DTHD1: variants seen among roughly 807,000 people sequenced by gnomAD.
The protein encoded by DTHD1 is death domain-containing protein 1.
Under a neutral mutation model 74.8 loss-of-function variants are expected in DTHD1, and 59 were observed. The observed-to-expected ratio is 0.79, with a 90% CI of 0.64 to 0.98. The LOEUF (loss-of-function observed/expected upper bound fraction) is 0.98, where lower values mean the gene tolerates loss of function less well. Among genes scored for constraint, DTHD1 ranks in the 50% least tolerant of loss-of-function variants. The pLI, the probability that DTHD1 is intolerant of heterozygous loss-of-function variation, is 0.00. For missense variants in DTHD1, 1,051 were observed against 1,065.4 expected, an observed-to-expected ratio of 0.99 and a Z score of 0.19; for synonymous variants, 365 against 371.1, an observed-to-expected ratio of 0.98 and a Z score of 0.19.
Position 36,290,501 on chromosome 4 carries a change from A to T in DTHD1, c.1016A>T (p.Asn339Ile), listed in dbSNP as rs1756008335. The T allele has an allele frequency of 1.9e-6, 3 of 1,551,738 alleles. No homozygotes were observed. In the East Asian group the frequency reaches 7.3e-5, roughly 38 times the overall value. ...NHMSSLIVGD[N>I]EELVSNVITI... ...ATGAGTTCTTTAATAGTGGGTGATAATGAAGAGTTAGTTAGCAACGTCATA... is the reference window on the plus strand; with the variant it reads ...ATGAGTTCTTTAATAGTGGGTGATATTGAAGAGTTAGTTAGCAACGTCATA... The change falls in exon 3 of 10, where the codon AAT (asparagine) becomes ATT (isoleucine). Residue 339 changes from asparagine (N) to isoleucine (I), a missense_variant. Asn to Ile is a moderately radical substitution (Grantham distance 149). Coordinates refer to ENST00000639862, the MANE Select transcript of DTHD1 (RefSeq NM_001170700.3).
At chr4:36,336,557 G>A (rs1340928957) in intron 8 of DTHD1, among the ~76,000 whole-genome samples, 1 of 152,198 alleles carries the variant, frequency 6.6e-6, no homozygotes, top group Non-Finnish European at 1.5e-5. Context: ...GCTGTCTTGA[G>A]TAATCACCCA....
Position 36,326,931 on chromosome 4 carries a change from A to G in DTHD1, c.2340+10445A>G, listed in dbSNP as rs934508484. Among the ~76,000 whole-genome samples the G allele has an allele frequency of 2.0e-5, 3 of 151,940 alleles. 1 individual carries two copies. Among genetic ancestry groups the G allele is most frequent in the Non-Finnish European group, 4.4e-5 (3 of 68,008 alleles). ...AAAAACTATTTCTAGCTATGATCCA[A>G]AAAGCCAAACCAAAACAAGGATTTG... On this transcript the variant is annotated intron_variant, in intron 8 of 9. Transcript: ENST00000639862.
intron 7 of DTHD1, among the ~76,000 whole-genome samples, chr4:36,309,931 C>G (rs1227699932): frequency 6.6e-6 from 1 of 152,154 alleles, no homozygotes; most frequent in Non-Finnish European, 1.5e-5. Context: ...GTTTAGCTCC[C>G]ACTTATAAGA....
chr4:36,306,566 C>T (rs746394012), intron 6 of DTHD1, among the ~76,000 whole-genome samples: 29 of 152,196 alleles, frequency 1.9e-4, no homozygotes, highest in Non-Finnish European at 4.1e-4. Flanking sequence ...TGGGAAAGCA[C>T]TCATAACTAC....
intron 5 of DTHD1, among the ~76,000 whole-genome samples, chr4:36,302,563 A>G (rs1756839022): frequency 6.6e-6 from 1 of 152,230 alleles, no homozygotes. Context: ...GGCAATATTT[A>G]TGACATAATA....
Position 36,346,163 on chromosome 4 carries a change from A to G in DTHD1, c.*2339A>G, listed in dbSNP as rs1759573430. On this transcript the variant is annotated 3_prime_UTR_variant, in exon 10 of 10. Transcript: ENST00000639862. Reference sequence around the variant, plus strand: ...TCAGATCCACTTGTACACTCTCACAAATGTCCTCGTTCACATATACCCCAC... The same window carrying G: ...TCAGATCCACTTGTACACTCTCACAGATGTCCTCGTTCACATATACCCCAC... Among the ~76,000 whole-genome samples, 1 of 151,558 alleles carries G rather than the reference A, an allele frequency of 6.6e-6. No homozygotes were observed. The highest frequency in any genetic ancestry group is 1.5e-5 in the Non-Finnish European group (1 of 67,878).
chr4:36,339,012 C>A, intron 8 of DTHD1, 100 bp from the exon 9 acceptor site: 1 of 957,242 alleles, frequency 1.0e-6, no homozygotes, highest in Non-Finnish European at 1.6e-6. Context: ...CAATTCAGTA[C>A]TTCTTCGAAA....
In DTHD1 at chr4:36,296,493, A is replaced by G. The variant is rs561507199; in HGVS notation, c.1643+1454A>G. ...AAGAGAGATAATGGAAAGAAAACAGACAAACAAAACATCAGCATGGTGATA... is the reference window on the plus strand; with the variant it reads ...AAGAGAGATAATGGAAAGAAAACAGGCAAACAAAACATCAGCATGGTGATA... On this transcript the variant is annotated intron_variant, in intron 5 of 9. Transcript: ENST00000639862. Among the ~76,000 whole-genome samples the G allele has an allele frequency of 1.5e-4, 23 of 152,300 alleles. 2 individuals are homozygous for G. In the East Asian group the frequency reaches 3.5e-3, roughly 23 times the overall value.
At position 36,343,750 on chromosome 4, in the gene DTHD1, G is replaced by A; in HGVS notation, c.2647G>A (p.Glu883Lys). ...LRKIGRSDLA[E>K]ELKFKWENKV... is the part of the protein sequence containing the mutation. ...CAAGATTGGCAGGAGTGATCTTGCA[G>A]AAGAGCTCAAATTCAAGTGGGAAAA... The change falls in exon 10 of 10, where the codon GAA becomes AAA. Residue 883 changes from glutamate (E) to lysine (K), a missense_variant. Coordinates refer to ENST00000639862, the MANE Select transcript of DTHD1 (RefSeq NM_001170700.3). The A allele has an allele frequency of 2.6e-6, 4 of 1,551,530 alleles. No homozygotes were observed. Among genetic ancestry groups the A allele is most frequent in the Non-Finnish European group, 3.5e-6 (4 of 1,146,900 alleles).
chr4:36,293,700 T>C lies in DTHD1; in HGVS notation c.1393T>C (p.Leu465=). 2 of 1,515,868 alleles carry C rather than the reference T, an allele frequency of 1.3e-6. No individual in the cohort carries two copies. Among genetic ancestry groups the C allele is most frequent in the East Asian group, 5.0e-5 (2 of 40,310 alleles). 93.9% of individuals were successfully genotyped at this position (1,515,868 alleles called of 1,614,324 possible). The change falls in exon 4 of 10, where the codon TTA becomes CTA. Residue 465 remains leucine (L), a synonymous_variant. Transcript: ENST00000639862. ...GVFTSPVLVQ[L]KIQPVDPALV... ...TTTTACCTCTCCAGTGCTGGTGCAGTTAAAGGTAAACATATTAAAAATAGG... is the reference window on the plus strand; with the variant it reads ...TTTTACCTCTCCAGTGCTGGTGCAGCTAAAGGTAAACATATTAAAAATAGG...
At chr4:36,343,383 A>G (rs1297601500) in intron 9 of DTHD1, 119 bp from the exon 10 acceptor site, 1 of 931,434 alleles carries the variant, frequency 1.1e-6, no homozygotes, top group African/African-American at 1.7e-5. Context: ...ATATCTCTGC[A>G]CTGCTCCAAG....
At chr4:36,320,780 T>A (rs911083998) in intron 8 of DTHD1, among the ~76,000 whole-genome samples, 2 of 152,214 alleles carry the variant, frequency 1.3e-5, no homozygotes, top group African/African-American at 4.8e-5. Flanking sequence ...AGTATTAGAA[T>A]GTGCTATTTT....
chr4:36,313,921 C>T (rs1757542712), intron 7 of DTHD1, among the ~76,000 whole-genome samples: 1 of 152,008 alleles, frequency 6.6e-6, no homozygotes, highest in African/African-American at 2.4e-5. Context: ...CCAGATGTTA[C>T]TCCAGTGAGC....
chr4:36,317,567 CTT>C (rs1416385745), intron 8 of DTHD1, among the ~76,000 whole-genome samples: 8 of 152,108 alleles, frequency 5.3e-5, no homozygotes, highest in East Asian at 1.9e-4. Context: ...TTAACTTCCT[CTT>C]TTATTTTTTA....
At chr4:36,287,763 G>T (rs1466973214) in intron 2 of DTHD1, among the ~76,000 whole-genome samples, 1 of 152,114 alleles carries the variant, frequency 6.6e-6, no homozygotes, top group Admixed American at 6.6e-5. Flanking sequence ...TCATATGTTT[G>T]TTGACCATTT....
At chr4:36,292,452 C>T (rs547314363) in intron 3 of DTHD1, among the ~76,000 whole-genome samples, 232 of 152,238 alleles carry the variant, frequency 1.5e-3, no homozygotes, top group African/African-American at 5.4e-3. Context: ...TTATGTGGAT[C>T]GTATGACATT....
chr4:36,283,825 C>T, intron 1 of DTHD1, 151 bp from the exon 2 acceptor site: 1 of 610,744 alleles, frequency 1.6e-6, no homozygotes, highest in Non-Finnish European at 2.8e-6. Flanking sequence ...TATACAATTA[C>T]TTCTCCTTCA....
intron 6 of DTHD1, among the ~76,000 whole-genome samples, chr4:36,307,992 G>A (rs1757156508): frequency 6.6e-6 from 1 of 152,202 alleles, no homozygotes; most frequent in African/African-American, 2.4e-5. Context: ...CGCCTCCCAA[G>A]TGGCATGAGC....
In DTHD1 at chr4:36,306,199, T is replaced by C; in HGVS notation, c.1652T>C (p.Ile551Thr). The C allele has an allele frequency of 1.9e-6, 3 of 1,551,666 alleles. No homozygotes were observed. The highest frequency in any genetic ancestry group is 1.4e-5 in the African/African-American group (1 of 73,160). The change falls in exon 6 of 10, where the codon ATT becomes ACT. Residue 551 changes from isoleucine to threonine, a missense_variant. By Grantham distance (89) the Ile-to-Thr change is moderately conservative (BLOSUM62 -1). Transcript: ENST00000639862. ...CTGTTACCATTATATAGGACAAAAA[T>C]TGCCTCCATAAGAAAACCTAGGAAA... ...ITPSYFNRTK[I>T]ASIRKPRKNA...
Sources: allele counts gnomAD v4.1 joint callset (sites outside exome capture counted in the v4.1 genomes callset), GRCh38; gene constraint gnomAD v4.1.1; transcripts MANE v1.5; gene names NCBI Gene and HGNC (gene_info 2026-07-23, HGNC 2026-07-21).